Variants in GLYATL2 observed in about 807,000 individuals in gnomAD.
The protein encoded by GLYATL2 is glycine-N-acyltransferase like 2.
In GLYATL2, 25 loss-of-function variants were observed where a neutral mutation model predicts 21.4. The observed-to-expected ratio is 1.17, with a 90% CI of 0.85 to 1.63. The LOEUF (loss-of-function observed/expected upper bound fraction) is 1.63, where lower values mean the gene tolerates loss of function less well. Among genes scored for constraint, GLYATL2 ranks in the 40% most tolerant of loss-of-function variants. The pLI, the probability that GLYATL2 is intolerant of heterozygous loss-of-function variation, is 0.00. For synonymous variants in GLYATL2, 114 were observed against 118.2 expected (o/e 0.96, Z 0.23); for missense variants, 361 against 343.3 (o/e 1.05, Z -0.41).
rs760689945 is a variant in GLYATL2 at position 58,834,570 on chromosome 11, A to T, written c.744T>A (p.Tyr248Ter). ...AAAATGGGATTTCTTTCTGAGAAAG[A>T]TACTTTTCAAGATGATAACCAATTT... The part of the protein sequence containing the change: ...MLQIGYHLEK[Y>*]LSQKEIPFYF... Residue 248 changes from tyrosine to a stop codon, truncating the protein, a stop_gained, in exon 6 of 6, where the codon TAT (tyrosine) becomes TAA (stop). Transcript: ENST00000287275. LOFTEE classifies it low-confidence loss of function (END_TRUNC). The T allele has an allele frequency of 1.9e-6, 3 of 1,614,024 alleles. No homozygotes were observed. The highest frequency in any genetic ancestry group is 1.3e-5 in the African/African-American group (1 of 75,022).
intron 1 of GLYATL2, among the ~76,000 whole-genome samples, chr11:58,868,922 T>A (rs1380004924): frequency 6.7e-6 from 1 of 149,158 alleles, no homozygotes; most frequent in Admixed American, 6.9e-5. Context: ...CAAGCCCAAC[T>A]GATGAAGAGA....
intron 1 of GLYATL2, among the ~76,000 whole-genome samples, chr11:58,873,309 C>G (rs1432500975): frequency 6.6e-6 from 1 of 151,932 alleles, no homozygotes; most frequent in Non-Finnish European, 1.5e-5. Flanking sequence ...CTGGCCAGAA[C>G]TTCCAACACT....
Position 58,834,345 on chromosome 11 carries a change from T to G in GLYATL2, c.*84A>C. ...AGATCCTAGATAATCAGTTGCATTTTGTGCTAATGTAGATCACAATGCTTG... is the reference window on the plus strand; with the variant it reads ...AGATCCTAGATAATCAGTTGCATTTGGTGCTAATGTAGATCACAATGCTTG... On this transcript the variant is annotated 3_prime_UTR_variant, in exon 6 of 6. Transcript: ENST00000287275. 9.0e-7 allele frequency: 1 copy of G among 1,107,584 alleles called. No individual in the cohort carries two copies. Among genetic ancestry groups the G allele is most frequent in the East Asian group, 2.4e-5 (1 of 41,156 alleles). 68.6% of individuals were successfully genotyped at this position (1,107,584 alleles called of 1,614,324 possible). A position where few individuals can be genotyped will look rare whatever the true frequency, so the allele number is the denominator to read the frequency against.
chr11:58,892,273 T>G (rs992810381), intron 1 of GLYATL2: 1 of 161,150 alleles, frequency 6.2e-6, no homozygotes. Context: ...TCTCCAAAGC[T>G]CCTCAAAAAT....
At position 58,834,803 on chromosome 11, in the gene GLYATL2, A is replaced by G. The variant is rs1853398491; in HGVS notation, c.511T>C (p.Ser171Pro). The change falls in exon 6 of 6, where the codon TCA becomes CCA. Residue 171 changes from serine to proline, a missense_variant. Transcript: ENST00000287275. ...GNFSNMFLDA[S>P]HAGLVNEHWA... is the part of the protein sequence containing the mutation. ...TGTTCATTCACAAGACCTGCATGTG[A>G]AGCATCTAAGAACATGTTTGAAAAG... The G allele has an allele frequency of 6.2e-7, 1 of 1,608,910 alleles. No individual in the cohort carries two copies. Among genetic ancestry groups the G allele is most frequent in the Admixed American group, 1.7e-5 (1 of 58,760 alleles).
chr11:58,837,485 G>A (rs1853459648), intron 3 of GLYATL2, 88 bp from the exon 4 acceptor site: 4 of 1,267,056 alleles, frequency 3.2e-6, no homozygotes, highest in East Asian at 2.3e-5. Context: ...AGATTCAATT[G>A]TTTGAAATAT....
intron 1 of GLYATL2, among the ~76,000 whole-genome samples, chr11:58,850,030 T>C (rs1024462488): frequency 2.0e-5 from 3 of 152,084 alleles, no homozygotes; most frequent in Non-Finnish European, 4.4e-5. Flanking sequence ...GCAAATATTA[T>C]CCTGATACCA....
intron 1 of GLYATL2, among the ~76,000 whole-genome samples, chr11:58,870,873 G>A (rs1854105713): frequency 6.6e-6 from 1 of 152,168 alleles, no homozygotes; most frequent in Admixed American, 6.5e-5. Flanking sequence ...AGATACTCAG[G>A]AGCAAAGACT....
chr11:58,905,235 C>G (rs1162374209), upstream of GLYATL2, among the ~76,000 whole-genome samples: 1 of 152,258 alleles, frequency 6.6e-6, no homozygotes, highest in Non-Finnish European at 1.5e-5. Context: ...TGTTCGCCAG[C>G]CCCTCCACGA....
chr11:58,867,720 A>C (rs748352276), intron 1 of GLYATL2, among the ~76,000 whole-genome samples: 6 of 149,036 alleles, frequency 4.0e-5, no homozygotes, highest in Non-Finnish European at 7.4e-5. Context: ...TATGACTAAT[A>C]CTGAGTATGA....
intron 1 of GLYATL2, among the ~76,000 whole-genome samples, chr11:58,886,546 G>A (rs928223780): frequency 3.9e-5 from 6 of 152,186 alleles, no homozygotes; most frequent in Admixed American, 2.6e-4. Context: ...ATCTTCTTCA[G>A]AGGATTACAC....
chr11:58,904,119 T>C (rs1192384682), intron 1 of GLYATL2: 2 of 152,158 alleles, frequency 1.3e-5, no homozygotes, highest in African/African-American at 4.8e-5. Flanking sequence ...TCAAAATAAA[T>C]GTGGAATTCA....
chr11:58,861,036 T>C (rs1487717220), intron 1 of GLYATL2, among the ~76,000 whole-genome samples: 3 of 152,114 alleles, frequency 2.0e-5, no homozygotes, highest in Non-Finnish European at 4.4e-5. Flanking sequence ...TGTTCATCAG[T>C]GCTATTGCCT....
At chr11:58,837,438 A>G (rs777289667) in intron 3 of GLYATL2, 41 bp from the exon 4 acceptor site, 3 of 1,573,516 alleles carry the variant, frequency 1.9e-6, no homozygotes, top group Non-Finnish European at 2.6e-6. Context: ...TAGCGCTACA[A>G]TTTACAAAAT....
chr11:58,834,564 A>G lies in GLYATL2; in HGVS notation c.750T>C (p.Ser250=). 1 of 1,613,966 alleles carries G rather than the reference A, an allele frequency of 6.2e-7. No individual in the cohort carries two copies. The highest frequency in any genetic ancestry group is 8.5e-7 in the Non-Finnish European group (1 of 1,179,952). ...GGAAATAAAATGGGATTTCTTTCTGAGAAAGATACTTTTCAAGATGATAAC... is the reference window on the plus strand; with the variant it reads ...GGAAATAAAATGGGATTTCTTTCTGGGAAAGATACTTTTCAAGATGATAAC... The part of the protein sequence containing the change: ...QIGYHLEKYL[S]QKEIPFYFHV... The change falls in exon 6 of 6, where the codon TCT becomes TCC. Residue 250 remains serine, a synonymous_variant. Transcript: ENST00000287275.
intron 1 of GLYATL2, among the ~76,000 whole-genome samples, chr11:58,889,256 T>G (rs558722138): frequency 1.4e-4 from 22 of 152,010 alleles, no homozygotes; most frequent in Non-Finnish European, 2.1e-4. Flanking sequence ...ACCTGTTTTT[T>G]TGTGTGTGTG....
At chr11:58,853,704 A>T (rs1281348667) in intron 1 of GLYATL2, among the ~76,000 whole-genome samples, 1 of 152,232 alleles carries the variant, frequency 6.6e-6, no homozygotes, top group Admixed American at 6.5e-5. Context: ...TTACAAATGA[A>T]AATTGTATAT....
At chr11:58,850,370 T>C (rs1243138544) in intron 1 of GLYATL2, among the ~76,000 whole-genome samples, 1 of 152,162 alleles carries the variant, frequency 6.6e-6, no homozygotes, top group Admixed American at 6.5e-5. Context: ...GCACGAGCTG[T>C]TCCAGTGTGA....
chr11:58,838,631 A>G (rs1225516088), intron 2 of GLYATL2, among the ~76,000 whole-genome samples: 3 of 152,130 alleles, frequency 2.0e-5, no homozygotes, highest in Non-Finnish European at 4.4e-5. Flanking sequence ...ATTTCTAAAA[A>G]ATTCATGCCA....
Sources: allele counts gnomAD v4.1 joint callset (sites outside exome capture counted in the v4.1 genomes callset), GRCh38; gene constraint gnomAD v4.1.1; transcripts MANE v1.5; gene names NCBI Gene and HGNC (gene_info 2026-07-23, HGNC 2026-07-21).